Variants in A1CF observed in about 807,000 individuals in gnomAD.
The protein encoded by A1CF is APOBEC1 complementation factor.
In A1CF, 48 loss-of-function variants were observed where a neutral mutation model predicts 68.9. The observed-to-expected ratio is 0.70, with a 90% CI of 0.55 to 0.89. The LOEUF is 0.89. Among genes scored for constraint, A1CF ranks in the 40% least tolerant of loss-of-function variants. A1CF has a pLI of 0.00. For missense variants in A1CF, 653 were observed against 718.9 expected, an observed-to-expected ratio of 0.91 and a Z score of 1.05; for synonymous variants, 272 against 260.4, an observed-to-expected ratio of 1.04 and a Z score of -0.43.
chr10:50,856,906 CA>C (rs1479194181), intron 3 of A1CF, among the ~76,000 whole-genome samples: 1 of 152,002 alleles, frequency 6.6e-6, no homozygotes, highest in Non-Finnish European at 1.5e-5. Flanking sequence ...TATATGTTAA[CA>C]TTTTCAATTA....
chr10:50,861,179 C>G (rs1334048094), intron 2 of A1CF, among the ~76,000 whole-genome samples: 1 of 151,824 alleles, frequency 6.6e-6, no homozygotes, highest in Non-Finnish European at 1.5e-5. Flanking sequence ...CTGAAGTGAT[C>G]GTTTCTGAAA....
chr10:50,842,054 C>T (rs1839808426), intron 4 of A1CF, 62 bp from the exon 5 acceptor site: 2 of 1,437,054 alleles, frequency 1.4e-6, no homozygotes, highest in African/African-American at 1.4e-5. Context: ...TGTATGTGTG[C>T]ATGTGCTGAT....
chr10:50,870,253 T>C (rs1841190862), intron 1 of A1CF, among the ~76,000 whole-genome samples: 1 of 151,758 alleles, frequency 6.6e-6, no homozygotes, highest in Non-Finnish European at 1.5e-5. Context: ...CAATAAACAC[T>C]GAAAATAAGC....
In A1CF at chr10:50,813,975, C is replaced by T. The variant is rs1838245370; in HGVS notation, c.1205G>A (p.Gly402Glu). 1.2e-6 allele frequency: 2 copies of T among 1,613,874 alleles called. No individual in the cohort carries two copies. The highest frequency in any genetic ancestry group is 1.7e-5 in the Admixed American group (1 of 59,976). Residue 402 changes from glycine to glutamate, a missense_variant, in exon 10 of 13, where the codon GGA (glycine) becomes GAA (glutamate). Gly to Glu is a moderately conservative substitution (Grantham distance 98). Transcript: ENST00000373997. ...TCTTTTGTCTCCTTTGACCTGGTAT[C>T]CTCGACCCAGGCCTGTGTATGCCAA... ...GYLAYTGLGR[G>E]YQVKGDKRED...
rs3802529 is a variant in A1CF, at chr10:50,816,115, A to C, written c.1032T>G (p.Ala344=). ...VYDPTTTYLG[A]PVFYAPQTYA... is the part of the protein sequence containing the mutation. ...AGGTCTGGGGGGCATAGAAGACAGG[A>C]GCTCCAAGGTAGGTTGTGGTGGGAT... Residue 344 remains alanine, a synonymous_variant, in exon 9 of 13, where the codon GCT becomes GCG. Coordinates refer to ENST00000373997, the MANE Select transcript of A1CF (RefSeq NM_014576.4). 7 of 1,613,820 alleles carry C rather than the reference A, an allele frequency of 4.3e-6. No homozygotes were observed. Among genetic ancestry groups the C allele is most frequent in the South Asian group, 1.1e-5 (1 of 91,068 alleles).
In A1CF at chr10:50,859,977, G is replaced by T. The variant is rs1840670352; in HGVS notation, c.-37C>A. 1 of 1,573,774 alleles carries T rather than the reference G, an allele frequency of 6.4e-7. No individual in the cohort carries two copies. Among genetic ancestry groups the T allele is most frequent in the Non-Finnish European group, 8.7e-7 (1 of 1,145,100 alleles). ...ATCAGCAAAAAATCAGGTTAATTAG[G>T]GTTGCTCACTGAAACCAAATTTAAG... is the stretch of plus-strand genomic sequence containing the variant. On this transcript the variant is annotated 5_prime_UTR_variant, in exon 3 of 13. Coordinates refer to ENST00000373997, the MANE Select transcript of A1CF (RefSeq NM_014576.4).
intron 5 of A1CF, among the ~76,000 whole-genome samples, chr10:50,838,296 A>C (rs1839616033): frequency 6.6e-6 from 1 of 152,186 alleles, no homozygotes; most frequent in Non-Finnish European, 1.5e-5. Flanking sequence ...TGACAGGTCC[A>C]TCTCAGTCTA....
chr10:50,829,112 A>G (rs963024534), intron 6 of A1CF, among the ~76,000 whole-genome samples: 2 of 152,170 alleles, frequency 1.3e-5, no homozygotes, highest in African/African-American at 4.8e-5. Flanking sequence ...TTCTCACAGT[A>G]ACCCTGTGGG....
At chr10:50,818,132 TCCTA>T (rs772474449) in intron 8 of A1CF, among the ~76,000 whole-genome samples, 3 of 152,282 alleles carry the variant, frequency 2.0e-5, no homozygotes. Flanking sequence ...TACATTCCAT[TCCTA>T]CCTAAGTTCA....
rs114286319 is a variant in A1CF, at chr10:50,809,332, C to A, written c.1609+562G>T. Among the ~76,000 whole-genome samples, 1,469 of 152,228 alleles carry A rather than the reference C, an allele frequency of 9.7e-3. 16 individuals are homozygous for A. Among genetic ancestry groups the A allele is most frequent in the African/African-American group, 0.031 (1,304 of 41,528 alleles). On this transcript the variant is annotated intron_variant, in intron 12 of 12. Transcript: ENST00000373997. ...CACAAAATTTTTGACTTTAAAAAAT[C>A]TTTTTTGAAATCAAATTAATAAAAG...
rs1264783335 is a variant in A1CF at position 50,841,888 on chromosome 10, G to T, written c.339C>A (p.Ile113=). The T allele has an allele frequency of 1.2e-6, 2 of 1,613,196 alleles. No homozygotes were observed. The highest frequency in any genetic ancestry group is 1.7e-6 in the Non-Finnish European group (2 of 1,179,696). ...TAATTTCATAATTATTAAGTTGCTT[G>T]ATTGCATTCTTGGCTTCCACTTTAT... ...FSNKVEAKNA[I]KQLNNYEIRN... is the part of the protein sequence containing the mutation. Residue 113 remains isoleucine (I), a synonymous_variant, in exon 5 of 13, where the codon ATC becomes ATA. Coordinates refer to ENST00000373997, the MANE Select transcript of A1CF (RefSeq NM_014576.4).
intron 8 of A1CF, among the ~76,000 whole-genome samples, chr10:50,817,328 A>T (rs926569666): frequency 6.6e-6 from 1 of 152,212 alleles, no homozygotes; most frequent in Non-Finnish European, 1.5e-5. Flanking sequence ...CATTCACAGC[A>T]GCTGAGTGTG....
At chr10:50,852,377 A>T (rs1214619462) in intron 3 of A1CF, among the ~76,000 whole-genome samples, 1 of 152,184 alleles carries the variant, frequency 6.6e-6, no homozygotes, top group Non-Finnish European at 1.5e-5. Flanking sequence ...GGATTCACAG[A>T]ACTGCTCCTT....
intron 1 of A1CF, among the ~76,000 whole-genome samples, chr10:50,879,081 C>T (rs997795233): frequency 1.3e-5 from 2 of 152,138 alleles, no homozygotes; most frequent in African/African-American, 2.4e-5. Context: ...ACTCACACCC[C>T]GCATCCCAAC....
At chr10:50,885,476 G>A (rs570492360) in intron 1 of A1CF, 105 bp downstream of exon 1, 13 of 152,204 alleles carry the variant, frequency 8.5e-5, no homozygotes, top group African/African-American at 2.6e-4. Flanking sequence ...AATTAGGCTC[G>A]ATAACAGAAG....
intron 6 of A1CF, among the ~76,000 whole-genome samples, chr10:50,834,936 A>G (rs895940756): frequency 8.5e-5 from 13 of 152,206 alleles, no homozygotes; most frequent in African/African-American, 2.9e-4. Context: ...AAGAAAGAAG[A>G]ATTGAAGCAG....
At chr10:50,818,896 A>G (rs549825088) in intron 8 of A1CF, among the ~76,000 whole-genome samples, 1 of 152,146 alleles carries the variant, frequency 6.6e-6, no homozygotes, top group East Asian at 1.9e-4. Flanking sequence ...TGCCTATGGA[A>G]TTCACCACCT....
chr10:50,866,991 A>C (rs1413624265), intron 1 of A1CF, among the ~76,000 whole-genome samples: 1 of 151,718 alleles, frequency 6.6e-6, no homozygotes, highest in Non-Finnish European at 1.5e-5. Context: ...CTGGGATTAC[A>C]GGCGTGATCC....
chr10:50,847,958 A>G (rs1366185502), intron 3 of A1CF, among the ~76,000 whole-genome samples: 1 of 152,200 alleles, frequency 6.6e-6, no homozygotes, highest in Non-Finnish European at 1.5e-5. Context: ...TACCCTTTTA[A>G]TAAACTCTTT....
Sources: allele counts gnomAD v4.1 joint callset (sites outside exome capture counted in the v4.1 genomes callset), GRCh38; gene constraint gnomAD v4.1.1; transcripts MANE v1.5; gene names NCBI Gene and HGNC (gene_info 2026-07-23, HGNC 2026-07-21).